The following SRGAP1 variants were observed in gnomAD, a reference collection of about 807,000 sequenced individuals.
SRGAP1 encodes the protein SLIT-ROBO Rho GTPase-activating protein 1.
A neutral mutation model predicts 121.9 loss-of-function variants in SRGAP1; 43 were observed. That is an observed-to-expected ratio of 0.35 (90% CI 0.28 to 0.46). The LOEUF is 0.46. Ranked by LOEUF, SRGAP1 falls within the 20% of genes least tolerant of loss-of-function variation. The pLI, the probability that SRGAP1 is intolerant of heterozygous loss-of-function variation, is 1.00. For synonymous variants in SRGAP1, 447 were observed against 485.4 expected, an observed-to-expected ratio of 0.92 and a Z score of 1.04; for missense variants, 1,102 against 1,350.9, an observed-to-expected ratio of 0.82 and a Z score of 2.89.
At chr12:63,909,989 A>G (rs893240993) in intron 1 of SRGAP1, among the ~76,000 whole-genome samples, 1 of 152,256 alleles carries the variant, frequency 6.6e-6, no homozygotes, top group Non-Finnish European at 1.5e-5. Context: ...AACCACATGT[A>G]CACAATATCT....
Position 64,014,520 on chromosome 12 carries a change from C to T in SRGAP1, c.427-2430C>T, listed in dbSNP as rs557327293. Among the ~76,000 whole-genome samples, 268 of 152,190 alleles carry T rather than the reference C, an allele frequency of 1.8e-3. 2 individuals are homozygous for T. Among genetic ancestry groups the T allele is most frequent in the African/African-American group, 6.3e-3 (260 of 41,526 alleles). On this transcript the variant is annotated intron_variant, in intron 3 of 21. Coordinates refer to ENST00000355086, the MANE Select transcript of SRGAP1 (RefSeq NM_020762.4). ...GGAAAAATAACTAATGCATATTAGG[C>T]TTAATACCTGGGCAAAATAATTTGG...
intron 4 of SRGAP1, among the ~76,000 whole-genome samples, chr12:64,037,304 A>G (rs1221112977): frequency 2.0e-5 from 3 of 152,182 alleles, no homozygotes; most frequent in Admixed American, 1.3e-4. Flanking sequence ...ACTCCATGGT[A>G]GAGGGAATCA....
At chr12:63,951,520 G>T (rs2032297870) in intron 1 of SRGAP1, among the ~76,000 whole-genome samples, 1 of 152,142 alleles carries the variant, frequency 6.6e-6, no homozygotes, top group South Asian at 2.1e-4. Flanking sequence ...TGAAGAATGT[G>T]TTCCAGCAGC....
At chr12:64,132,509 G>T (rs140840941) in intron 21 of SRGAP1, among the ~76,000 whole-genome samples, 2 of 152,226 alleles carry the variant, frequency 1.3e-5, no homozygotes, top group South Asian at 4.1e-4. Flanking sequence ...CCCACTAGGC[G>T]TTGTGCCTCT....
chr12:63,993,663 T>C (rs1481151035), intron 3 of SRGAP1, among the ~76,000 whole-genome samples: 1 of 152,204 alleles, frequency 6.6e-6, no homozygotes, highest in Non-Finnish European at 1.5e-5. Context: ...TTACCCAAAT[T>C]ATTCTGTCTG....
Position 64,141,993 on chromosome 12 carries a change from G to GA in SRGAP1, c.2881-295dup, listed in dbSNP as rs573435007. 1.8e-4 allele frequency among the ~76,000 whole-genome samples: 27 copies of GA among 152,064 alleles called. No homozygotes were observed. The South Asian group carries it at 5.6e-3, about 32-fold the overall frequency. On this transcript the variant is annotated intron_variant, in intron 21 of 21. Transcript: ENST00000355086. ...AACAGAGTGAGACCCTGCCTCAAAA[G>GA]AAAAAAATTTTTTTTTAAGTCAGCA...
rs3185287 is a variant in SRGAP1, at chr12:64,143,668, A to G, written c.*996A>G. On this transcript the variant is annotated 3_prime_UTR_variant, in exon 22 of 22. Transcript: ENST00000355086. ...TTTAAACATGCTACAAAGCCCAGGCATGGTGGTGCACACCTGTACTCCCAG... is the reference window on the plus strand; with the variant it reads ...TTTAAACATGCTACAAAGCCCAGGCGTGGTGGTGCACACCTGTACTCCCAG... 6.6e-6 allele frequency: 1 copy of G among 152,244 alleles called. No individual in the cohort carries two copies. Among genetic ancestry groups the G allele is most frequent in the Non-Finnish European group, 1.5e-5 (1 of 68,132 alleles). The allele number at this position is 152,244 out of a possible 1,614,324, so 9.4% of individuals were successfully genotyped here.
intron 1 of SRGAP1, among the ~76,000 whole-genome samples, chr12:63,911,360 AG>A (rs2030493688): frequency 6.6e-6 from 1 of 151,872 alleles, no homozygotes; most frequent in Non-Finnish European, 1.5e-5. Context: ...CACCCAGCAC[AG>A]TGTTTTTAAA....
At chr12:64,001,828 A>G (rs965136153) in intron 3 of SRGAP1, among the ~76,000 whole-genome samples, 10 of 152,216 alleles carry the variant, frequency 6.6e-5, no homozygotes, top group African/African-American at 2.4e-4. Flanking sequence ...ACACTAGGTA[A>G]AGACCTGTGC....
chr12:63,892,824 C>G (rs1349471685), intron 1 of SRGAP1, among the ~76,000 whole-genome samples: 1 of 151,948 alleles, frequency 6.6e-6, no homozygotes, highest in African/African-American at 2.4e-5. Context: ...AAATGGCTGC[C>G]TATGGTTGAA....
chr12:63,874,842 T>C (rs1176148884), intron 1 of SRGAP1, among the ~76,000 whole-genome samples: 1 of 152,168 alleles, frequency 6.6e-6, no homozygotes, highest in Admixed American at 6.5e-5. Context: ...AAAAACTCAC[T>C]CTAATTGTAA....
intron 1 of SRGAP1, among the ~76,000 whole-genome samples, chr12:63,944,614 T>G (rs2031982268): frequency 6.6e-6 from 1 of 152,204 alleles, no homozygotes. Context: ...CCTGCACAGT[T>G]GGGCCACCGG....
intron 12 of SRGAP1, among the ~76,000 whole-genome samples, chr12:64,092,257 A>G (rs2036066088): frequency 6.6e-6 from 1 of 152,316 alleles, no homozygotes; most frequent in Non-Finnish European, 1.5e-5. Flanking sequence ...TTTACAAAAA[A>G]GAAAAGGGCT....
chr12:63,876,805 G>T (rs1040958772), intron 1 of SRGAP1, among the ~76,000 whole-genome samples: 1 of 152,132 alleles, frequency 6.6e-6, no homozygotes, highest in Non-Finnish European at 1.5e-5. Context: ...TCTCAATATA[G>T]TTTATATCAT....
intron 6 of SRGAP1, among the ~76,000 whole-genome samples, chr12:64,047,733 A>G (rs1376966793): frequency 1.3e-5 from 2 of 152,196 alleles, no homozygotes; most frequent in African/African-American, 4.8e-5. Context: ...TTGATACCAC[A>G]GAAAAGTCAT....
Position 63,845,474 on chromosome 12 carries a change from A to G in SRGAP1, c.67+591A>G, listed in dbSNP as rs917490686. On this transcript the variant is annotated intron_variant, in intron 1 of 21. Transcript: ENST00000355086. ...AGTGGAATCTGACTCTTCCTTTATA[A>G]TGGGCCAGAATTCATTGCCATCTTT... Among the ~76,000 whole-genome samples the G allele has an allele frequency of 3.3e-5, 5 of 152,148 alleles. No homozygotes were observed. In the East Asian group the frequency reaches 9.6e-4, roughly 29 times the overall value.
intron 2 of SRGAP1, among the ~76,000 whole-genome samples, chr12:63,987,383 A>T (rs1409280836): frequency 6.6e-6 from 1 of 152,198 alleles, no homozygotes; most frequent in Admixed American, 6.5e-5. Context: ...TTTGGTCTTT[A>T]TCAAATCAGT....
At chr12:63,940,727 T>C (rs1341238203) in intron 1 of SRGAP1, among the ~76,000 whole-genome samples, 1 of 152,178 alleles carries the variant, frequency 6.6e-6, no homozygotes, top group African/African-American at 2.4e-5. Flanking sequence ...TTAGGGAAAT[T>C]GTTTGTGCCT....
chr12:64,017,215 TTATC>T (rs2034427070), intron 4 of SRGAP1, among the ~76,000 whole-genome samples: 2 of 152,182 alleles, frequency 1.3e-5, no homozygotes, highest in Non-Finnish European at 2.9e-5. Flanking sequence ...TTCAAATAAA[TTATC>T]TATCTACCTA....
Sources: allele counts gnomAD v4.1 joint callset (sites outside exome capture counted in the v4.1 genomes callset), GRCh38; gene constraint gnomAD v4.1.1; transcripts MANE v1.5; gene names NCBI Gene and HGNC (gene_info 2026-07-23, HGNC 2026-07-21).